IL1RAPL2: variants seen among roughly 807,000 people sequenced by gnomAD.
The protein encoded by IL1RAPL2 is X-linked interleukin-1 receptor accessory protein-like 2.
In IL1RAPL2, 3 loss-of-function variants were observed where a neutral mutation model predicts 44.1. The ratio of observed to expected loss-of-function variants is 0.07; its 90% confidence interval spans 0.03 to 0.18. The LOEUF (loss-of-function observed/expected upper bound fraction) is 0.18, where lower values mean the gene tolerates loss of function less well. Ranked by LOEUF, IL1RAPL2 falls within the 10% of genes least tolerant of loss-of-function variation. The pLI, the probability that IL1RAPL2 is intolerant of heterozygous loss-of-function variation, is 1.00. For synonymous variants in IL1RAPL2, 181 were observed against 178.8 expected, an observed-to-expected ratio of 1.01 and a Z score of -0.10; for missense variants, 391 against 496.4, an observed-to-expected ratio of 0.79 and a Z score of 2.02.
rs1021028418 is a variant in IL1RAPL2 at position 104,709,659 on chromosome X, C to T, written c.82+50664C>T. On this transcript the variant is annotated intron_variant, in intron 2 of 10. Transcript: ENST00000372582. ...CGAGTTTAGTTAAAATATTTGTTAACATCATCAAAACAAAACACTTTTATG... is the reference window on the plus strand; with the variant it reads ...CGAGTTTAGTTAAAATATTTGTTAATATCATCAAAACAAAACACTTTTATG... Among the ~76,000 whole-genome samples the T allele has an allele frequency of 1.4e-4, 15 of 110,943 alleles. No homozygotes were observed. The Admixed American group carries it at 1.4e-3, about 11-fold the overall frequency.
rs777361603 is a variant in IL1RAPL2, at chrX:105,041,115, T to A, written c.83-154360T>A. On this transcript the variant is annotated intron_variant, in intron 2 of 10. Transcript: ENST00000372582. ...GTTGGTTTCAAAGAACATCTTTATTTCTGCCTTCATTTCGTTATGTACCCA... is the reference window on the plus strand; with the variant it reads ...GTTGGTTTCAAAGAACATCTTTATTACTGCCTTCATTTCGTTATGTACCCA... Among the ~76,000 whole-genome samples the A allele has an allele frequency of 3.0e-3, 322 of 107,812 alleles. 2 individuals carry two copies. The highest frequency in any genetic ancestry group is 0.011 in the African/African-American group (309 of 29,393). 93.6% of individuals were successfully genotyped at this position (107,812 alleles called of 115,157 possible).
At chrX:105,717,253 AAG>A in intron 6 of IL1RAPL2, 112 bp from the exon 7 acceptor site, 1 of 591,232 alleles carries the variant, frequency 1.7e-6, no homozygotes, top group South Asian at 5.7e-5. Flanking sequence ...TGACTAGAAA[AAG>A]AGTTGAAAAT....
At chrX:105,329,844 A>G (rs1255959226) in intron 5 of IL1RAPL2, among the ~76,000 whole-genome samples, 2 of 111,867 alleles carry the variant, frequency 1.8e-5, no homozygotes, top group Admixed American at 1.9e-4. Flanking sequence ...ACATAATGAA[A>G]TTATGTTATT....
At chrX:105,703,416 A>G (rs984768479) in intron 6 of IL1RAPL2, among the ~76,000 whole-genome samples, 21 of 111,675 alleles carry the variant, frequency 1.9e-4, no homozygotes, top group African/African-American at 5.5e-4. Flanking sequence ...GCAAAAGTCT[A>G]CAGAAAAAAA....
intron 4 of IL1RAPL2, among the ~76,000 whole-genome samples, chrX:105,247,921 C>G (rs969086249): frequency 9.1e-6 from 1 of 109,593 alleles, no homozygotes; most frequent in East Asian, 2.8e-4. Flanking sequence ...ATTTTCCCTT[C>G]TCTAATTTTT....
chrX:105,277,844 T>A (rs1168379808), intron 5 of IL1RAPL2, among the ~76,000 whole-genome samples: 1 of 109,243 alleles, frequency 9.2e-6, no homozygotes, highest in Non-Finnish European at 1.9e-5. Flanking sequence ...CTACTGAGGA[T>A]CACTGAAAAA....
chrX:104,809,317 GGTTGAACTA>G (rs1211743113), intron 2 of IL1RAPL2, among the ~76,000 whole-genome samples: 3 of 111,541 alleles, frequency 2.7e-5, no homozygotes, highest in African/African-American at 9.8e-5. Flanking sequence ...CTTCCACAAG[GGTTGAACTA>G]GTTTACAGTC....
intron 1 of IL1RAPL2, among the ~76,000 whole-genome samples, chrX:104,630,827 T>G (rs1352895793): frequency 1.8e-5 from 2 of 110,047 alleles, no homozygotes; most frequent in Non-Finnish European, 3.8e-5. Flanking sequence ...TCATTAGTGT[T>G]TTTTTTTTCA....
At chrX:105,036,054 G>A (rs1044387276) in intron 2 of IL1RAPL2, among the ~76,000 whole-genome samples, 3 of 111,660 alleles carry the variant, frequency 2.7e-5, no homozygotes, top group Admixed American at 9.5e-5. Context: ...AGATCATGAG[G>A]TATCAGTGTC....
At chrX:104,792,125 A>G (rs1225126807) in intron 2 of IL1RAPL2, among the ~76,000 whole-genome samples, 2 of 110,410 alleles carry the variant, frequency 1.8e-5, no homozygotes, top group Admixed American at 1.9e-4. Context: ...TGCCTCTTTT[A>G]GAGGGGAGGA....
chrX:105,046,427 C>T (rs891987728), intron 2 of IL1RAPL2, among the ~76,000 whole-genome samples: 1 of 111,262 alleles, frequency 9.0e-6, no homozygotes, highest in Admixed American at 9.6e-5. Flanking sequence ...CTTCTCTTTG[C>T]TTGATTCTTA....
intron 2 of IL1RAPL2, among the ~76,000 whole-genome samples, chrX:104,889,767 T>C (rs190340384): frequency 9.2e-6 from 1 of 108,219 alleles, no homozygotes; most frequent in East Asian, 3.0e-4. Flanking sequence ...TTGCAATAAA[T>C]AATGAAATCT....
At chrX:104,788,893 C>A (rs2147606693) in intron 2 of IL1RAPL2, among the ~76,000 whole-genome samples, 1 of 111,813 alleles carries the variant, frequency 8.9e-6, no homozygotes, top group East Asian at 2.8e-4. Flanking sequence ...TAGTGTTGTG[C>A]CCCATTAGGC....
intron 2 of IL1RAPL2, among the ~76,000 whole-genome samples, chrX:105,131,026 G>T (rs1416008445): frequency 9.0e-6 from 1 of 111,717 alleles, no homozygotes; most frequent in African/African-American, 3.2e-5. Context: ...GGTAAGAAAA[G>T]GCAGGCAAGA....
At chrX:105,133,243 TAG>T (rs747412995) in intron 2 of IL1RAPL2, among the ~76,000 whole-genome samples, 61 of 112,109 alleles carry the variant, frequency 5.4e-4, no homozygotes, top group Non-Finnish European at 9.4e-4. Flanking sequence ...TTCATAATTT[TAG>T]AGAGATATGT....
At chrX:105,595,457 T>C (rs1392823034) in intron 6 of IL1RAPL2, among the ~76,000 whole-genome samples, 2 of 111,907 alleles carry the variant, frequency 1.8e-5, no homozygotes, top group African/African-American at 6.5e-5. Context: ...ATTTTTGCCC[T>C]GACAACCAGG....
intron 6 of IL1RAPL2, among the ~76,000 whole-genome samples, chrX:105,575,194 T>C (rs1334330423): frequency 2.7e-5 from 3 of 111,836 alleles, no homozygotes; most frequent in Admixed American, 1.9e-4. Context: ...TTTTAATTTT[T>C]ATTTTTAATT....
chrX:105,400,337 G>A (rs1317922718), intron 5 of IL1RAPL2, among the ~76,000 whole-genome samples: 1 of 111,235 alleles, frequency 9.0e-6, no homozygotes, highest in Non-Finnish European at 1.9e-5. Context: ...TATTAGTTCA[G>A]TCTAGACAGA....
intron 1 of IL1RAPL2, among the ~76,000 whole-genome samples, chrX:104,604,633 C>CAAAAA (rs36050333): frequency 4.9e-3 from 151 of 30,906 alleles, no homozygotes; most frequent in Middle Eastern, 0.029. Context: ...AAATGCATAG[C>CAAAAA]AAAAAAAAAA....
Sources: gnomAD v4.1 joint callset for allele counts (sites outside exome capture counted in the v4.1 genomes callset) on GRCh38, gnomAD v4.1.1 for gene constraint, MANE v1.5 for transcripts, NCBI Gene and HGNC (gene_info 2026-07-23, HGNC 2026-07-21) for gene names.